The following RBPJ variants were observed in gnomAD, a reference collection of about 807,000 sequenced individuals.
The protein encoded by RBPJ is recombining binding protein suppressor of hairless.
Under a neutral mutation model 67.8 loss-of-function variants are expected in RBPJ, and 9 were observed. The observed-to-expected ratio is 0.13, with a 90% CI of 0.08 to 0.23. RBPJ has a LOEUF of 0.23. Ranked by LOEUF, RBPJ falls within the 10% of genes least tolerant of loss-of-function variation. The probability of loss-of-function intolerance (pLI) is 1.00; values close to 1 mark genes in which losing one functional copy is unlikely to be tolerated. For synonymous variants in RBPJ, 198 were observed against 203.3 expected (o/e 0.97, Z 0.22); for missense variants, 305 against 595.6 (o/e 0.51, Z 5.08).
At chr4:26,209,078 C>G (rs1367553262) in intron 1 of RBPJ, among the ~76,000 whole-genome samples, 1 of 111,272 alleles carries the variant, frequency 9.0e-6, no homozygotes, top group Non-Finnish European at 1.7e-5. Context: ...GTTTAATAAC[C>G]AGCATTACAG....
chr4:26,421,454 C>T (rs2109807999), intron 5 of RBPJ, among the ~76,000 whole-genome samples: 1 of 152,184 alleles, frequency 6.6e-6, no homozygotes, highest in Non-Finnish European at 1.5e-5. Context: ...CAGGTGCCCA[C>T]CATCACGCCC....
At chr4:26,320,981 C>T (rs963499044), upstream of RBPJ, 15 of 1,605,540 alleles carry the variant, frequency 9.3e-6, no homozygotes, top group Non-Finnish European at 1.2e-5. Flanking sequence ...GGGAAGGCGT[C>T]GGGGGGAATC....
intron 3 of RBPJ, among the ~76,000 whole-genome samples, chr4:26,408,889 G>A (rs1452349609): frequency 6.6e-6 from 1 of 152,204 alleles, no homozygotes; most frequent in East Asian, 1.9e-4. Context: ...AGGAGGAAAA[G>A]ATCCTTTAAA....
intron 1 of RBPJ, among the ~76,000 whole-genome samples, chr4:26,342,540 C>T (rs959463569): frequency 6.6e-6 from 1 of 152,150 alleles, no homozygotes. Flanking sequence ...TCCTTTCTCC[C>T]ATGCGTGGTT....
At chr4:26,289,461 C>G (rs1413918088) in intron 1 of RBPJ, among the ~76,000 whole-genome samples, 1 of 144,562 alleles carries the variant, frequency 6.9e-6, no homozygotes, top group Non-Finnish European at 1.5e-5. Context: ...CATATTACAA[C>G]ACTTGGCAAT....
intron 1 of RBPJ, among the ~76,000 whole-genome samples, chr4:26,189,919 T>C (rs1234715914): frequency 6.6e-6 from 1 of 152,164 alleles, no homozygotes; most frequent in African/African-American, 2.4e-5. Context: ...AGACTTTTCT[T>C]AAACACACAA....
chr4:26,276,557 C>G (rs1721094149), intron 1 of RBPJ, among the ~76,000 whole-genome samples: 1 of 152,162 alleles, frequency 6.6e-6, no homozygotes, highest in African/African-American at 2.4e-5. Flanking sequence ...CTAACATGGC[C>G]TTGGGCCTCA....
At chr4:26,257,522 G>A (rs903996385) in intron 1 of RBPJ, among the ~76,000 whole-genome samples, 2 of 152,118 alleles carry the variant, frequency 1.3e-5, no homozygotes, top group Non-Finnish European at 2.9e-5. Flanking sequence ...CCAGCTATTC[G>A]GGAGGCTGAG....
At chr4:26,277,584 C>G (rs537865468) in intron 1 of RBPJ, among the ~76,000 whole-genome samples, 1 of 152,228 alleles carries the variant, frequency 6.6e-6, no homozygotes, top group African/African-American at 2.4e-5. Context: ...CCCAGGAAAG[C>G]CCTGATTTGT....
At chr4:26,342,889 A>G (rs911375352) in intron 1 of RBPJ, among the ~76,000 whole-genome samples, 1 of 152,212 alleles carries the variant, frequency 6.6e-6, no homozygotes, top group African/African-American at 2.4e-5. Flanking sequence ...GCTATTAGCA[A>G]TGACTCAAGA....
intron 1 of RBPJ, among the ~76,000 whole-genome samples, chr4:26,258,964 C>T (rs1345851918): frequency 6.6e-6 from 1 of 152,032 alleles, no homozygotes; most frequent in Non-Finnish European, 1.5e-5. Flanking sequence ...CCACCATACC[C>T]GGCTAATTGT....
At chr4:26,176,281 G>A (rs1716792531) in intron 1 of RBPJ, among the ~76,000 whole-genome samples, 1 of 152,156 alleles carries the variant, frequency 6.6e-6, no homozygotes, top group Non-Finnish European at 1.5e-5. Context: ...GGGAAGATGG[G>A]TCTTATGGAG....
intron 2 of RBPJ, among the ~76,000 whole-genome samples, chr4:26,400,322 C>G (rs1460861913): frequency 1.3e-5 from 2 of 152,218 alleles, no homozygotes; most frequent in African/African-American, 2.4e-5. Context: ...AGGAAGGGTG[C>G]TACTGGCACC....
intron 1 of RBPJ, among the ~76,000 whole-genome samples, chr4:26,205,082 C>T (rs967346859): frequency 2.0e-5 from 3 of 152,170 alleles, no homozygotes; most frequent in African/African-American, 7.2e-5. Flanking sequence ...GGGGGAGGGG[C>T]TCAGTTAAGG....
intron 1 of RBPJ, among the ~76,000 whole-genome samples, chr4:26,287,591 G>C (rs1189227468): frequency 2.7e-4 from 1 of 3,728 alleles, no homozygotes; most frequent in Non-Finnish European, 5.6e-4. Context: ...CAGGAGAGGA[G>C]AGGGGAGGGG....
chr4:26,401,889 T>TTC (rs1372346627), intron 2 of RBPJ, among the ~76,000 whole-genome samples: 2 of 135,430 alleles, frequency 1.5e-5, no homozygotes, highest in Admixed American at 1.4e-4. Context: ...CTTTCTTTCT[T>TTC]TTTTTTTTTT....
chr4:26,405,016 A>T (rs923948455), intron 2 of RBPJ, among the ~76,000 whole-genome samples: 1 of 152,028 alleles, frequency 6.6e-6, no homozygotes, highest in Admixed American at 6.6e-5. Flanking sequence ...AGTGGTAGGG[A>T]TTAGTTCTCA....
intron 1 of RBPJ, among the ~76,000 whole-genome samples, chr4:26,244,593 T>C (rs7658891): frequency 0.21 from 29,245 of 140,124 alleles, 3,002 homozygotes; most frequent in Non-Finnish European, 0.23. Flanking sequence ...AAAATTATAA[T>C]TTTGTAAAAC....
chr4:26,115,008 A>G, the RBPJ span, among the ~76,000 whole-genome samples: 4 of 152,232 alleles, frequency 2.6e-5, no homozygotes, highest in Non-Finnish European at 5.9e-5. Context: ...TTGCCTCTGT[A>G]TGGTGAAAAT....
Sources: gnomAD v4.1 joint callset for allele counts (sites outside exome capture counted in the v4.1 genomes callset) on GRCh38, gnomAD v4.1.1 for gene constraint, MANE v1.5 for transcripts, NCBI Gene and HGNC (gene_info 2026-07-23, HGNC 2026-07-21) for gene names.